Variants in KRT15 observed in about 807,000 individuals in gnomAD.
KRT15 encodes the protein keratin, type I cytoskeletal 15.
In KRT15, 45 loss-of-function variants were observed where a neutral mutation model predicts 46.6. The ratio of observed to expected loss-of-function variants is 0.97; its 90% CI spans 0.76 to 1.24. KRT15 has a LOEUF of 1.24. Among genes scored for constraint, KRT15 ranks in the 50% most tolerant of loss-of-function variants. KRT15 has a pLI of 0.00. For missense variants in KRT15, 592 were observed against 588.9 expected (o/e 1.01, Z -0.05); for synonymous variants, 221 against 233.8 (o/e 0.95, Z 0.50).
chr17:41,514,422 GC>G (rs1173063133), intron 7 of KRT15: 14 of 600,632 alleles, frequency 2.3e-5, no homozygotes, highest in Non-Finnish European at 4.1e-5. Flanking sequence ...GGAGAGACAT[GC>G]CCTGAATGAA....
chr17:41,515,752 C>A (rs1422273888), intron 5 of KRT15, 60 bp from the exon 6 acceptor site: 1 of 1,596,928 alleles, frequency 6.3e-7, no homozygotes, highest in African/African-American at 1.3e-5. Flanking sequence ...TGAGGGCAAG[C>A]AGGGAGGGGG....
In KRT15 at chr17:41,518,586, A is replaced by C; in HGVS notation, c.242T>G (p.Phe81Cys). Reference sequence around the variant, plus strand: ...AAAACCCCCACCAACGCCCCCTCCAAAGCCTCCACCGAAAACACTACCAGC... The same window carrying C: ...AAAACCCCCACCAACGCCCCCTCCACAGCCTCCACCGAAAACACTACCAGC... Reference protein sequence around the residue: ...GGAGSVFGGGFGGGVGGGFGG... With the variant: ...GGAGSVFGGGCGGGVGGGFGG... The change falls in exon 1 of 8, where the codon TTT becomes TGT. Residue 81 changes from phenylalanine (F) to cysteine (C), a missense_variant. Coordinates refer to ENST00000254043, the MANE Select transcript of KRT15 (RefSeq NM_002275.4). 1 of 1,603,946 alleles carries C rather than the reference A, an allele frequency of 6.2e-7. No homozygotes were observed. The highest frequency in any genetic ancestry group is 8.5e-7 in the Non-Finnish European group (1 of 1,175,552).
chr17:41,516,995 G>A (rs1905407523), intron 2 of KRT15, 31 bp from the exon 3 acceptor site: 2 of 1,614,226 alleles, frequency 1.2e-6, no homozygotes, highest in Non-Finnish European at 1.7e-6. Flanking sequence ...GAAGGAAGTG[G>A]GAGGGGTCTT....
rs200359694 is a variant in KRT15, at chr17:41,517,137, C to G, written c.527G>C (p.Arg176Pro). 2.5e-6 allele frequency: 4 copies of G among 1,614,116 alleles called. No homozygotes were observed. The highest frequency in any genetic ancestry group is 2.2e-5 in the East Asian group (1 of 44,876). Residue 176 changes from arginine to proline, a missense_variant, in exon 2 of 8, where the codon CGG becomes CCG. Physicochemically the swap from Arg to Pro is moderately radical, Grantham distance 103. Coordinates refer to ENST00000254043, the MANE Select transcript of KRT15 (RefSeq NM_002275.4). ...GGCATTGTCGATCTCCAGGATGACC[C>G]GGGAGTTGTCGATGGTGGTGGCCAT... Reference protein sequence around the residue: ...KIMATTIDNSRVILEIDNARL... With the variant: ...KIMATTIDNSPVILEIDNARL...
At chr17:41,517,454 T>G (rs1905440598) in intron 1 of KRT15, 3 of 437,742 alleles carry the variant, frequency 6.9e-6, no homozygotes, top group Non-Finnish European at 1.3e-5. Context: ...TGGGAATTGG[T>G]TGCCCAGGAG....
rs1391872089 is a variant in KRT15, at chr17:41,518,683, C to T, written c.145G>A (p.Ala49Thr). The stretch of plus-strand genomic sequence containing the variant: ...CCTGACCCTGAAGAGACAAACCTAG[C>T]AGAAGAAGCTGAGATACTTCGGCTT... ...GGSRSISASS[A>T]RFVSSGSGGG... is the part of the protein sequence containing the mutation. Residue 49 changes from alanine (A) to threonine (T), a missense_variant, in exon 1 of 8, where the codon GCT becomes ACT. Transcript: ENST00000254043. 3 of 1,613,518 alleles carry T rather than the reference C, an allele frequency of 1.9e-6. No homozygotes were observed. The highest frequency in any genetic ancestry group is 2.5e-6 in the Non-Finnish European group (3 of 1,179,732).
In KRT15 at chr17:41,515,687, A is replaced by C; in HGVS notation, c.1032T>G (p.Ala344=). ...IELQSQLSMK[A]GLENSLAETE... is the part of the protein sequence containing the mutation. The stretch of plus-strand genomic sequence containing the variant: ...TCTCGGCCAGTGAGTTCTCCAGCCC[A>C]GCTTTCTGGGGGAGTGACAGATGCA... The change falls in exon 6 of 8, where the codon GCT becomes GCG. Residue 344 remains alanine (A), a synonymous_variant. Coordinates refer to ENST00000254043, the MANE Select transcript of KRT15 (RefSeq NM_002275.4). 1 of 1,613,584 alleles carries C rather than the reference A, an allele frequency of 6.2e-7. No homozygotes were observed. Among genetic ancestry groups the C allele is most frequent in the East Asian group, 2.2e-5 (1 of 44,850 alleles).
chr17:41,518,141 A>G (rs576618884), intron 1 of KRT15, among the ~76,000 whole-genome samples, 189 bp downstream of exon 1: 1 of 152,138 alleles, frequency 6.6e-6, no homozygotes, highest in African/African-American at 2.4e-5. Context: ...AGCACCACCA[A>G]GTTGAGAAGA....
chr17:41,514,263 CTG>C (rs2144517548), intron 7 of KRT15, 143 bp from the exon 8 acceptor site: 2 of 670,208 alleles, frequency 3.0e-6, no homozygotes, highest in South Asian at 3.4e-5. Flanking sequence ...TGCCAGAGAT[CTG>C]GTGTTGAATT....
intron 6 of KRT15, chr17:41,515,252 A>C (rs1905295533): frequency 3.4e-6 from 2 of 580,600 alleles, no homozygotes; most frequent in South Asian, 4.2e-5. Flanking sequence ...CCCAGCCTCT[A>C]TCATTTACAG....
chr17:41,514,317 G>A (rs764548984), intron 7 of KRT15, 197 bp from the exon 8 acceptor site: 28 of 606,244 alleles, frequency 4.6e-5, no homozygotes, highest in East Asian at 3.3e-4. Context: ...AGGTATGCCC[G>A]GCAGGGAGCA....
intron 1 of KRT15, 124 bp downstream of exon 1, chr17:41,518,206 A>G: frequency 8.7e-7 from 1 of 1,153,288 alleles, no homozygotes; most frequent in Non-Finnish European, 1.2e-6. Context: ...TGCTGAGATT[A>G]CATACCAGAC....
In KRT15 at chr17:41,514,064, C is replaced by G. The variant is rs1261290089; in HGVS notation, c.1330G>C (p.Val444Leu). ...SNFHINVEESVDGQVVSSHKR... is the reference protein window; with the variant it reads ...SNFHINVEESLDGQVVSSHKR... ...TGGGAAGAAACCACCTGTCCATCCA[C>G]TGACTCTTCTACATTGATGTGGAAA... The change falls in exon 8 of 8, where the codon GTG (valine) becomes CTG (leucine). Residue 444 changes from valine (V) to leucine (L), a missense_variant. Transcript: ENST00000254043. 3.1e-6 allele frequency: 5 copies of G among 1,614,068 alleles called. No individual in the cohort carries two copies. The South Asian group carries it at 5.5e-5, about 18-fold the overall frequency.
rs376387865 is a variant in KRT15, at chr17:41,516,038, C to A, written c.901-28G>T. The A allele has an allele frequency of 6.4e-5, 103 of 1,614,128 alleles. 1 individual carries two copies. The East Asian group carries it at 8.0e-4, about 13-fold the overall frequency. On this transcript the variant is annotated intron_variant, in intron 4 of 7. Coordinates refer to ENST00000254043, the MANE Select transcript of KRT15 (RefSeq NM_002275.4). ...GTAGGTCATGCACAACAGAAGTGAGCCCCGGGGCCTCCTCGGAGACTCAGG... is the reference window on the plus strand; with the variant it reads ...GTAGGTCATGCACAACAGAAGTGAGACCCGGGGCCTCCTCGGAGACTCAGG...
At position 41,513,933 on chromosome 17, in the gene KRT15, G is replaced by A. The variant is rs553616563; in HGVS notation, c.*90C>T. 1.1e-6 allele frequency: 1 copy of A among 933,236 alleles called. No individual in the cohort carries two copies. Among genetic ancestry groups the A allele is most frequent in the South Asian group, 1.3e-5 (1 of 76,670 alleles). The allele number at this position is 933,236 out of a possible 1,614,324, so 57.8% of individuals were successfully genotyped here. ...TTCAGCTCTCTGAAGGCAGGGACTGGAGTTTGCATGTGCAGGCCCTCTGGC... is the reference window on the plus strand; with the variant it reads ...TTCAGCTCTCTGAAGGCAGGGACTGAAGTTTGCATGTGCAGGCCCTCTGGC... On this transcript the variant is annotated 3_prime_UTR_variant, in exon 8 of 8. Transcript: ENST00000254043.
chr17:41,516,329 C>A, intron 3 of KRT15, 64 bp from the exon 4 acceptor site: 1 of 1,526,282 alleles, frequency 6.6e-7, no homozygotes, highest in South Asian at 1.2e-5. Flanking sequence ...AGTCTGGCGT[C>A]ACACATGCCA....
rs1905238384 is a variant in KRT15, at chr17:41,513,777, A to C, written c.*246T>G. On this transcript the variant is annotated 3_prime_UTR_variant, in exon 8 of 8. Coordinates refer to ENST00000254043, the MANE Select transcript of KRT15 (RefSeq NM_002275.4). ...AAAAGGAAAAGTAATTCTTTATTACATGAACAGACACTGTACAAATGAGCT... is the reference window on the plus strand; with the variant it reads ...AAAAGGAAAAGTAATTCTTTATTACCTGAACAGACACTGTACAAATGAGCT... The C allele has an allele frequency of 2.3e-6, 1 of 443,152 alleles. No homozygotes were observed. The highest frequency in any genetic ancestry group is 4.1e-6 in the Non-Finnish European group (1 of 242,170). 27.5% of individuals were successfully genotyped at this position (443,152 alleles called of 1,614,324 possible). A position where few individuals can be genotyped will look rare whatever the true frequency, so the allele number is the denominator to read the frequency against.
chr17:41,516,315 T>C, intron 3 of KRT15, 50 bp from the exon 4 acceptor site: 1 of 1,569,474 alleles, frequency 6.4e-7, no homozygotes, highest in Non-Finnish European at 8.6e-7. Context: ...AAGAGAGACC[T>C]GAGAGTCTGG....
chr17:41,515,309 G>A (rs756541682), intron 6 of KRT15, 163 bp downstream of exon 6: 5 of 620,456 alleles, frequency 8.1e-6, no homozygotes, highest in South Asian at 3.9e-5. Flanking sequence ...CCAGGTAACA[G>A]CCAAGGACCA....
Sources: gnomAD v4.1 joint callset for allele counts (sites outside exome capture counted in the v4.1 genomes callset) on GRCh38, gnomAD v4.1.1 for gene constraint, MANE v1.5 for transcripts, NCBI Gene and HGNC (gene_info 2026-07-23, HGNC 2026-07-21) for gene names.